MRTFB: variants seen among roughly 807,000 people sequenced by gnomAD.
MRTFB encodes myocardin related transcription factor B, also known as myocardin-related transcription factor B.
Under a neutral mutation model 104.2 loss-of-function variants are expected in MRTFB, and 29 were observed. The observed-to-expected ratio is 0.28, with a 90% CI of 0.21 to 0.38. The LOEUF (loss-of-function observed/expected upper bound fraction) is 0.38. MRTFB is among the 10% of genes least tolerant of loss of function. The pLI is 1.00. For synonymous variants in MRTFB, 535 were observed against 519.5 expected (o/e 1.03, Z -0.41); for missense variants, 1,270 against 1,341.6 (o/e 0.95, Z 0.83).
chr16:14,173,563 G>T (rs973349701), intron 3 of MRTFB, among the ~76,000 whole-genome samples: 2 of 151,778 alleles, frequency 1.3e-5, no homozygotes, highest in African/African-American at 4.9e-5. Flanking sequence ...AGTTTGCCAG[G>T]TTTCTTGAAT....
At chr16:14,033,250 T>G in the MRTFB span, among the ~76,000 whole-genome samples, 6 of 150,140 alleles carry the variant, frequency 4.0e-5, no homozygotes, top group African/African-American at 1.5e-4. Context: ...AATTTAAAAT[T>G]AAAAAAAAAC....
intron 3 of MRTFB, among the ~76,000 whole-genome samples, chr16:14,205,096 G>T (rs2048102495): frequency 6.6e-6 from 1 of 152,170 alleles, no homozygotes. Context: ...TAGAAGCAGA[G>T]AATCAAAATC....
chr16:14,014,611 T>C, the MRTFB span, among the ~76,000 whole-genome samples: 1 of 151,412 alleles, frequency 6.6e-6, no homozygotes, highest in African/African-American at 2.4e-5. Flanking sequence ...CTCAGCACTT[T>C]GGGAGGCCAA....
At chr16:14,049,857 C>T in the MRTFB span, among the ~76,000 whole-genome samples, 6 of 152,152 alleles carry the variant, frequency 3.9e-5, no homozygotes, top group Admixed American at 6.5e-5. Flanking sequence ...CTCAGCCTCC[C>T]GAGTAGGTGG....
chr16:14,241,053 C>G (rs1158902638), intron 10 of MRTFB: 8 of 467,620 alleles, frequency 1.7e-5, no homozygotes, highest in African/African-American at 1.4e-4. Flanking sequence ...AAGTGGAAGA[C>G]AAAAATCGAG....
intron 3 of MRTFB, among the ~76,000 whole-genome samples, chr16:14,176,675 G>T (rs1234618445): frequency 1.3e-5 from 2 of 152,200 alleles, no homozygotes; most frequent in East Asian, 3.8e-4. Context: ...CTGTGTAGCT[G>T]GACAAGTGAC....
intron 9 of MRTFB, among the ~76,000 whole-genome samples, chr16:14,238,133 C>T (rs920525871): frequency 6.6e-6 from 1 of 151,994 alleles, no homozygotes; most frequent in South Asian, 2.1e-4. Flanking sequence ...TGTCACAATG[C>T]GGGGGACGAG....
chr16:14,010,030 G>C, the MRTFB span, among the ~76,000 whole-genome samples: 1 of 152,106 alleles, frequency 6.6e-6, no homozygotes. Context: ...ATAAATAAAG[G>C]AGAGTGGGAG....
the MRTFB span, among the ~76,000 whole-genome samples, chr16:14,017,542 A>G: frequency 0.29 from 36,074 of 123,394 alleles, 7,542 homozygotes; most frequent in South Asian, 0.48. Flanking sequence ...TGAAACCTCT[A>G]TGGTATGAGT....
chr16:14,200,643 A>G (rs1421863796), intron 3 of MRTFB: 2 of 1,570,456 alleles, frequency 1.3e-6, no homozygotes, highest in African/African-American at 2.7e-5. Context: ...AATCACGTTG[A>G]TGAAGATGGA....
intron 6 of MRTFB, among the ~76,000 whole-genome samples, chr16:14,214,023 C>T (rs1162135804): frequency 6.6e-6 from 1 of 152,192 alleles, no homozygotes; most frequent in Non-Finnish European, 1.5e-5. Context: ...AGTGCCCACA[C>T]CCAACATTTT....
At chr16:14,101,862 A>AT (rs1485699079) in intron 2 of MRTFB, among the ~76,000 whole-genome samples, 1 of 152,154 alleles carries the variant, frequency 6.6e-6, no homozygotes, top group Non-Finnish European at 1.5e-5. Flanking sequence ...GAATTCTATG[A>AT]TTTTTTAAAT....
intron 3 of MRTFB, among the ~76,000 whole-genome samples, chr16:14,146,498 CTT>C: frequency 6.6e-6 from 1 of 152,306 alleles, no homozygotes; most frequent in East Asian, 1.9e-4. Flanking sequence ...GAAATGATCA[CTT>C]ACTAGAGAGA....
intron 3 of MRTFB, among the ~76,000 whole-genome samples, chr16:14,168,347 A>G (rs1168503032): frequency 2.6e-5 from 4 of 152,186 alleles, no homozygotes; most frequent in African/African-American, 7.2e-5. Flanking sequence ...ACCAAGATAC[A>G]GAGCATTGCT....
intron 3 of MRTFB, chr16:14,195,571 G>A: frequency 1.0e-6 from 1 of 985,394 alleles, no homozygotes; most frequent in Non-Finnish European, 1.2e-6. Context: ...AGAGTAGCAT[G>A]TGCTTACTAT....
At chr16:14,033,159 G>A in the MRTFB span, among the ~76,000 whole-genome samples, 6 of 152,110 alleles carry the variant, frequency 3.9e-5, no homozygotes, top group East Asian at 3.9e-4. Context: ...CCAGCACTTC[G>A]GGAGCCAAGG....
At chr16:14,023,418 C>A in the MRTFB span, among the ~76,000 whole-genome samples, 2 of 152,050 alleles carry the variant, frequency 1.3e-5, no homozygotes, top group African/African-American at 4.8e-5. Context: ...GCACTCCAGG[C>A]TGGGTGACAA....
At chr16:14,063,747 C>G in the MRTFB span, among the ~76,000 whole-genome samples, 1 of 152,200 alleles carries the variant, frequency 6.6e-6, no homozygotes, top group Non-Finnish European at 1.5e-5. Flanking sequence ...ATGTAGCAAA[C>G]AGCTGTCGTA....
the MRTFB span, among the ~76,000 whole-genome samples, chr16:14,028,451 G>A: frequency 6.6e-6 from 1 of 152,188 alleles, no homozygotes; most frequent in Non-Finnish European, 1.5e-5. Flanking sequence ...GCAACAGGCA[G>A]GTGGACAGTG....
Sources: allele counts gnomAD v4.1 joint callset (sites outside exome capture counted in the v4.1 genomes callset), GRCh38; gene constraint gnomAD v4.1.1; transcripts MANE v1.5; gene names NCBI Gene and HGNC (gene_info 2026-07-23, HGNC 2026-07-21).